Variants in C4orf50 observed in about 807,000 individuals in gnomAD.
C4orf50 encodes uncharacterized protein C4orf50.
Under a neutral mutation model 77.2 loss-of-function variants are expected in C4orf50, and 80 were observed. The ratio of observed to expected loss-of-function variants is 1.04; its 90% CI spans 0.87 to 1.25. The LOEUF is 1.25. C4orf50 is among the 50% of genes most tolerant of loss of function. C4orf50 has a pLI of 0.00. For synonymous variants in C4orf50, 532 were observed against 465.3 expected (o/e 1.14, Z -1.84); for missense variants, 1,257 against 1,152.9 (o/e 1.09, Z -1.31).
At chr4:5,935,330 G>A (rs1310480935) in intron 7 of C4orf50, among the ~76,000 whole-genome samples, 1 of 152,218 alleles carries the variant, frequency 6.6e-6, no homozygotes, top group African/African-American at 2.4e-5. Context: ...GGAATTAGAA[G>A]ATAGAGAGGA....
intron 7 of C4orf50, chr4:5,904,628 G>A (rs990514848): frequency 6.6e-6 from 1 of 152,162 alleles, no homozygotes; most frequent in Non-Finnish European, 1.5e-5. Context: ...CTGGATTTCC[G>A]GACAGAGTCC....
At chr4:5,960,017 A>G (rs1200476164) in intron 33 of C4orf50, among the ~76,000 whole-genome samples, 1 of 152,164 alleles carries the variant, frequency 6.6e-6, no homozygotes, top group Non-Finnish European at 1.5e-5. Flanking sequence ...GCTGGTTGCA[A>G]ACCTCATGCC....
intron 32 of C4orf50, among the ~76,000 whole-genome samples, chr4:5,965,499 C>T (rs1479849439): frequency 6.6e-6 from 1 of 152,260 alleles, no homozygotes; most frequent in Non-Finnish European, 1.5e-5. Context: ...CATGTGGCGG[C>T]CCTCCAGAAA....
At chr4:5,951,770 C>G (rs570974990) in intron 7 of C4orf50, among the ~76,000 whole-genome samples, 1 of 152,146 alleles carries the variant, frequency 6.6e-6, no homozygotes, top group South Asian at 2.1e-4. Context: ...TCCTATAATG[C>G]GTTCGCTCTC....
At chr4:5,948,901 C>T (rs111307967) in intron 7 of C4orf50, among the ~76,000 whole-genome samples, 51,906 of 145,296 alleles carry the variant, frequency 0.36, 9,603 homozygotes, top group African/African-American at 0.41. Context: ...GCAGAGGTTG[C>T]AGTGAGCCAA....
At position 6,009,912 on chromosome 4, in the gene C4orf50, G is replaced by A. The variant is rs946863107; in HGVS notation, c.427-1380C>T. ...CGCCTGTCTGGAAATGGGGTTTTGT[G>A]ATGAGTCTTTCCCGGGAGCATACAC... On this transcript the variant is annotated intron_variant, in intron 24 of 33. Coordinates refer to ENST00000531445, the Ensembl canonical transcript of C4orf50. The surrounding 1 kb of genome is among the most constrained non-coding windows in gnomAD (Gnocchi z 5.6). Among the ~76,000 whole-genome samples, 1 of 152,128 alleles carries A rather than the reference G, an allele frequency of 6.6e-6. No homozygotes were observed. Among genetic ancestry groups the A allele is most frequent in the African/African-American group, 2.4e-5 (1 of 41,412 alleles).
intron 31 of C4orf50, among the ~76,000 whole-genome samples, chr4:5,971,357 A>G (rs1297386115): frequency 6.6e-6 from 1 of 152,190 alleles, no homozygotes; most frequent in East Asian, 1.9e-4. Flanking sequence ...AGGAATCAAG[A>G]TGCAGACACC....
Position 5,970,211 on chromosome 4 carries a change from C to A in C4orf50, c.4105-2749G>T, listed in dbSNP as rs867940951. 6.6e-6 allele frequency among the ~76,000 whole-genome samples: 1 copy of A among 151,602 alleles called. No homozygotes were observed. The highest frequency in any genetic ancestry group is 1.5e-5 in the Non-Finnish European group (1 of 67,958). On this transcript the variant is annotated intron_variant, in intron 31 of 33. Transcript: ENST00000531445. The surrounding 1 kb of genome is among the most constrained non-coding windows in gnomAD (Gnocchi z 4.3). ...GGGCATAGAGAGGAAGCAAAACAGG[C>A]CCAGGAAGGTGCCCTGAGCCCTGCT...
At chr4:5,914,807 T>C (rs1157661421) in intron 7 of C4orf50, among the ~76,000 whole-genome samples, 2 of 152,204 alleles carry the variant, frequency 1.3e-5, no homozygotes, top group Non-Finnish European at 2.9e-5. Context: ...GCTGAGTCAG[T>C]AAGTTAATGT....
chr4:6,007,708 A>C lies in C4orf50; in HGVS notation c.963+288T>G, dbSNP rs1722302142. On this transcript the variant is annotated intron_variant, in intron 25 of 33. Transcript: ENST00000531445. This position sits in a 1 kb window ranked among gnomAD's most constrained non-coding sequence, Gnocchi z 4.1. ...GGTGGGCGAGTGGTTGGATAGGTAG[A>C]TGGATGGATGATGGGCAAGTGTGTG... Among the ~76,000 whole-genome samples, 1 of 151,578 alleles carries C rather than the reference A, an allele frequency of 6.6e-6. No homozygotes were observed. Among genetic ancestry groups the C allele is most frequent in the Non-Finnish European group, 1.5e-5 (1 of 67,924 alleles).
chr4:5,955,877 C>G (rs577818277), downstream of C4orf50, among the ~76,000 whole-genome samples: 1 of 152,142 alleles, frequency 6.6e-6, no homozygotes, highest in Admixed American at 6.5e-5. This position sits in a 1 kb window ranked among gnomAD's most constrained non-coding sequence, Gnocchi z 5.1. Context: ...ACATCACAGG[C>G]GGGTGCTGGC....
At chr4:5,967,526 G>A in intron 31 of C4orf50, 64 bp from the exon 10 acceptor site, 1 of 1,408,398 alleles carries the variant, frequency 7.1e-7, no homozygotes, top group Non-Finnish European at 1.0e-6. Flanking sequence ...TTGCACAGAA[G>A]ACTGCAATTG....
intron 28 of C4orf50, among the ~76,000 whole-genome samples, chr4:5,984,270 A>G (rs1720747529): frequency 6.6e-6 from 1 of 152,212 alleles, no homozygotes; most frequent in African/African-American, 2.4e-5. Flanking sequence ...ATTATACACA[A>G]TGTCCAACAT....
chr4:5,942,398 TCA>T (rs1718306306), intron 7 of C4orf50, among the ~76,000 whole-genome samples: 1 of 152,198 alleles, frequency 6.6e-6, no homozygotes, highest in African/African-American at 2.4e-5. Flanking sequence ...GCTCCAAGTT[TCA>T]GTTTCAACAT....
chr4:5,950,000 A>AC (rs1718650029), intron 7 of C4orf50, among the ~76,000 whole-genome samples: 1 of 152,086 alleles, frequency 6.6e-6, no homozygotes, highest in South Asian at 2.1e-4. Flanking sequence ...AAAAAAAAAA[A>AC]AAAAAAGGTT....
At chr4:5,978,630 C>T (rs1362781423) in intron 29 of C4orf50, among the ~76,000 whole-genome samples, 1 of 152,196 alleles carries the variant, frequency 6.6e-6, no homozygotes, top group Non-Finnish European at 1.5e-5. Context: ...ACGAGACACA[C>T]TCATTTATTG....
rs912144863 is a variant in C4orf50, at chr4:6,017,215, A to G, written c.287+930T>C. On this transcript the variant is annotated intron_variant, in intron 23 of 33. Coordinates refer to ENST00000531445, the Ensembl canonical transcript of C4orf50. This position sits in a 1 kb window ranked among gnomAD's most constrained non-coding sequence, Gnocchi z 4.7. ...TGACAGCAGAGTCCAAAGGCCAGAC[A>G]GAGACAGGCAGCCTGGATTAGCAAC... Among the ~76,000 whole-genome samples, 158 of 152,370 alleles carry G rather than the reference A, an allele frequency of 1.0e-3. 1 individual carries two copies. The highest frequency in any genetic ancestry group is 3.4e-3 in the Middle Eastern group (1 of 294).
At chr4:5,954,159 G>T (rs542651677), downstream of C4orf50, among the ~76,000 whole-genome samples, 4 of 152,360 alleles carry the variant, frequency 2.6e-5, no homozygotes, top group African/African-American at 9.6e-5. This position sits in a 1 kb window ranked among gnomAD's most constrained non-coding sequence, Gnocchi z 4.7. Flanking sequence ...AGCAGTCAGT[G>T]TGTGTGCCAT....
At chr4:5,910,141 G>T (rs567754292) in intron 7 of C4orf50, among the ~76,000 whole-genome samples, 14 of 152,228 alleles carry the variant, frequency 9.2e-5, no homozygotes, top group Non-Finnish European at 1.5e-4. Flanking sequence ...TTTTATACAA[G>T]ATCTGTCAGA....
Sources: allele counts gnomAD v4.1 joint callset (sites outside exome capture counted in the v4.1 genomes callset), GRCh38; gene constraint gnomAD v4.1.1; non-coding constraint Gnocchi (gnomAD v3.1); transcripts MANE v1.5; gene names NCBI Gene and HGNC (gene_info 2026-07-23, HGNC 2026-07-21).